AFF3: variants seen among roughly 807,000 people sequenced by gnomAD.
AFF3 encodes AF4/FMR2 family member 3.
In AFF3, 32 loss-of-function variants were observed where a neutral mutation model predicts 129.7. That is an observed-to-expected ratio of 0.25 (90% CI 0.19 to 0.33). AFF3 has a LOEUF of 0.33. AFF3 is among the 10% of genes least tolerant of loss of function. The probability of loss-of-function intolerance (pLI) is 1.00; values close to 1 mark genes in which losing one functional copy is unlikely to be tolerated. For synonymous variants in AFF3, 644 were observed against 635.4 expected, an observed-to-expected ratio of 1.01 and a Z score of -0.20; for missense variants, 1,373 against 1,592.0, an observed-to-expected ratio of 0.86 and a Z score of 2.34.
At chr2:99,811,212 AGATCATCTATT>A (rs1360540096) in intron 8 of AFF3, among the ~76,000 whole-genome samples, 1 of 152,224 alleles carries the variant, frequency 6.6e-6, no homozygotes, top group African/African-American at 2.4e-5. Context: ...ACCTTATGTA[AGATCATCTATT>A]GCCTTCAGAA....
At chr2:100,107,626 G>A (rs1691361932) in intron 2 of AFF3, 1 of 529,982 alleles carries the variant, frequency 1.9e-6, no homozygotes, top group African/African-American at 2.1e-5. Flanking sequence ...CCCAGCTAAG[G>A]GGAGGGCTGC....
In AFF3 at chr2:99,582,781, G is replaced by C. The variant is rs766013620; in HGVS notation, c.2793+17C>G. 1 of 1,613,402 alleles carries C rather than the reference G, an allele frequency of 6.2e-7. No individual in the cohort carries two copies. The highest frequency in any genetic ancestry group is 2.2e-5 in the East Asian group (1 of 44,860). On this transcript the variant is annotated intron_variant, in intron 17 of 24. Transcript: ENST00000672756. The stretch of plus-strand genomic sequence containing the variant: ...TTCATTTTGGTTTTAATTGGGAAAG[G>C]AAGAGCATCAACAAACCGTGAGGTC...
intron 12 of AFF3, among the ~76,000 whole-genome samples, chr2:99,653,447 C>T (rs1174300610): frequency 6.6e-6 from 1 of 152,246 alleles, no homozygotes; most frequent in Non-Finnish European, 1.5e-5. Context: ...CACCTCCAAA[C>T]AATTCCTGCT....
At chr2:99,695,359 T>C (rs1676104041) in intron 11 of AFF3, among the ~76,000 whole-genome samples, 1 of 152,194 alleles carries the variant, frequency 6.6e-6, no homozygotes, top group African/African-American at 2.4e-5. Context: ...GGGACCCTCA[T>C]ATACTCAAGG....
intron 1 of AFF3, among the ~76,000 whole-genome samples, chr2:100,131,142 C>A (rs1692415013): frequency 1.3e-5 from 2 of 152,120 alleles, no homozygotes; most frequent in African/African-American, 4.8e-5. Context: ...CACCTGGGGA[C>A]AAAGTTTATT....
intron 4 of AFF3, among the ~76,000 whole-genome samples, chr2:100,093,158 G>A (rs1690001290): frequency 6.6e-6 from 1 of 151,540 alleles, no homozygotes; most frequent in South Asian, 2.1e-4. Context: ...CCAGACTGGA[G>A]TGCAGTGGTG....
At chr2:99,699,600 A>G (rs1299491170) in intron 11 of AFF3, among the ~76,000 whole-genome samples, 1 of 129,228 alleles carries the variant, frequency 7.7e-6, no homozygotes, top group East Asian at 2.7e-4. Flanking sequence ...CTCAGACGGT[A>G]GTGCCCACAG....
intron 2 of AFF3, among the ~76,000 whole-genome samples, chr2:100,118,541 C>T (rs2105549456): frequency 6.6e-6 from 1 of 152,178 alleles, no homozygotes; most frequent in East Asian, 1.9e-4. Context: ...CAAATAGCAT[C>T]TATTCTTATT....
intron 4 of AFF3, among the ~76,000 whole-genome samples, chr2:100,084,661 T>C (rs1689283749): frequency 6.6e-6 from 1 of 151,968 alleles, no homozygotes; most frequent in Non-Finnish European, 1.5e-5. Flanking sequence ...TTATGCATCG[T>C]TTAAAAATAA....
At chr2:99,904,103 A>C (rs1694542096) in intron 7 of AFF3, among the ~76,000 whole-genome samples, 1 of 152,088 alleles carries the variant, frequency 6.6e-6, no homozygotes, top group African/African-American at 2.4e-5. Context: ...GAAACTAGAT[A>C]CGTCATTTCT....
chr2:99,780,206 T>G (rs1265052607), intron 8 of AFF3, among the ~76,000 whole-genome samples: 2 of 152,118 alleles, frequency 1.3e-5, no homozygotes, highest in East Asian at 3.9e-4. Flanking sequence ...CCATCTAAAC[T>G]CCCTGTCCTG....
At chr2:99,649,732 A>C (rs1239140695) in intron 12 of AFF3, 66 bp from the exon 13 acceptor site, 1 of 1,578,034 alleles carries the variant, frequency 6.3e-7, no homozygotes, top group Non-Finnish European at 8.7e-7. Flanking sequence ...TGCTCAATGA[A>C]CACTTAAAAA....
At chr2:99,648,917 A>ACACACACACACACTCTCTCTCTCTCT in intron 13 of AFF3, among the ~76,000 whole-genome samples, 1 of 46,938 alleles carries the variant, frequency 2.1e-5, no homozygotes, top group Non-Finnish European at 4.6e-5. Flanking sequence ...ACACACACAC[A>ACACACACACACACTCTCTCTCTCTCT]CTCTCTCTCT....
intron 2 of AFF3, among the ~76,000 whole-genome samples, chr2:100,117,467 A>G (rs1258376148): frequency 1.3e-5 from 2 of 152,184 alleles, no homozygotes; most frequent in Non-Finnish European, 2.9e-5. Flanking sequence ...TTTTGATTCT[A>G]GAATTTCCAC....
chr2:99,773,110 A>G lies in AFF3; in HGVS notation c.922-20809T>C, dbSNP rs554823433. Among the ~76,000 whole-genome samples, 7 of 152,294 alleles carry G rather than the reference A, an allele frequency of 4.6e-5. No homozygotes were observed. The East Asian group carries it at 7.7e-4, about 17-fold the overall frequency. ...TACCCTTCTATCACATCTTCCTTCA[A>G]GAAGACTCACACTGTTCAGGAAACA... On this transcript the variant is annotated intron_variant, in intron 8 of 24. Coordinates refer to ENST00000672756, the MANE Select transcript of AFF3 (RefSeq NM_001386135.1).
intron 11 of AFF3, among the ~76,000 whole-genome samples, chr2:99,702,093 T>C (rs190687605): frequency 1.1e-4 from 16 of 152,358 alleles, no homozygotes; most frequent in Non-Finnish European, 1.5e-4. Context: ...CACGTACAAG[T>C]TGCTGTGTGA....
intron 17 of AFF3, among the ~76,000 whole-genome samples, chr2:99,579,862 A>C (rs953936733): frequency 2.7e-4 from 41 of 152,232 alleles, no homozygotes; most frequent in African/African-American, 9.6e-4. Context: ...ATCATAAAAC[A>C]ATGTCAGTGG....
At chr2:99,646,203 T>C (rs1425024229) in intron 13 of AFF3, among the ~76,000 whole-genome samples, 2 of 152,178 alleles carry the variant, frequency 1.3e-5, no homozygotes, top group Non-Finnish European at 2.9e-5. Context: ...AATGTCCTTG[T>C]GTTCACTGGA....
chr2:100,013,579 T>A (rs568398122), intron 4 of AFF3, among the ~76,000 whole-genome samples: 1 of 152,316 alleles, frequency 6.6e-6, no homozygotes, highest in South Asian at 2.1e-4. Flanking sequence ...AGCCAAGAAG[T>A]GGTGGCACCT....
Sources: gnomAD v4.1 joint callset for allele counts (sites outside exome capture counted in the v4.1 genomes callset) on GRCh38, gnomAD v4.1.1 for gene constraint, MANE v1.5 for transcripts, NCBI Gene and HGNC (gene_info 2026-07-23, HGNC 2026-07-21) for gene names.